FYN: variants seen among roughly 807,000 people sequenced by gnomAD.
The protein encoded by FYN is FYN proto-oncogene, Src family tyrosine kinase, also known as tyrosine-protein kinase Fyn.
Under a neutral mutation model 70.2 loss-of-function variants are expected in FYN, and 10 were observed. The ratio of observed to expected loss-of-function variants is 0.14; its 90% confidence interval spans 0.09 to 0.24. The LOEUF (loss-of-function observed/expected upper bound fraction) is 0.24, where lower values mean the gene tolerates loss of function less well. Ranked by LOEUF, FYN falls within the 10% of genes least tolerant of loss-of-function variation. The pLI, the probability that FYN is intolerant of heterozygous loss-of-function variation, is 1.00. For missense variants in FYN, 319 were observed against 673.1 expected, an observed-to-expected ratio of 0.47 and a Z score of 5.82; for synonymous variants, 236 against 248.6, an observed-to-expected ratio of 0.95 and a Z score of 0.48.
At chr6:111,841,040 A>G (rs1328185618) in intron 2 of FYN, among the ~76,000 whole-genome samples, 2 of 152,196 alleles carry the variant, frequency 1.3e-5, no homozygotes, top group Non-Finnish European at 2.9e-5. Flanking sequence ...CTCTCCTGGC[A>G]ACATCCAGCT....
At chr6:111,841,778 ATTT>A (rs80041109) in intron 2 of FYN, among the ~76,000 whole-genome samples, 1 of 140,814 alleles carries the variant, frequency 7.1e-6, no homozygotes, top group Non-Finnish European at 1.6e-5. Context: ...AGGAAGAGGG[ATTT>A]TTTTTTTTTT....
chr6:111,793,210 C>CT (rs1368097011), intron 2 of FYN, among the ~76,000 whole-genome samples: 1 of 152,178 alleles, frequency 6.6e-6, no homozygotes, highest in African/African-American at 2.4e-5. Context: ...TTTTAATTCA[C>CT]TTTAAGATGA....
At chr6:111,837,345 A>C (rs1164278779) in intron 2 of FYN, among the ~76,000 whole-genome samples, 5 of 152,110 alleles carry the variant, frequency 3.3e-5, no homozygotes. Flanking sequence ...TTTTTTTTTA[A>C]ATTACATTTC....
At chr6:111,808,621 T>C (rs185943817) in intron 2 of FYN, among the ~76,000 whole-genome samples, 55 of 152,298 alleles carry the variant, frequency 3.6e-4, no homozygotes, top group Non-Finnish European at 5.9e-5. Context: ...GAAGTCAATT[T>C]TCTGGGGCAC....
chr6:111,753,116 G>A (rs1177916996), intron 3 of FYN, among the ~76,000 whole-genome samples: 1 of 152,192 alleles, frequency 6.6e-6, no homozygotes, highest in Non-Finnish European at 1.5e-5. Flanking sequence ...CAGAAGAAGT[G>A]TCAAGGCATG....
chr6:111,737,711 C>T (rs1476998120), intron 3 of FYN, among the ~76,000 whole-genome samples: 3 of 152,150 alleles, frequency 2.0e-5, no homozygotes, highest in Admixed American at 6.5e-5. Flanking sequence ...CTTCAGTCCC[C>T]TTTTCTCTCC....
At chr6:111,665,189 G>T (rs1241791472) in intron 13 of FYN, among the ~76,000 whole-genome samples, 1 of 152,186 alleles carries the variant, frequency 6.6e-6, no homozygotes. Flanking sequence ...TGCTCAACCA[G>T]TAAGTTGAGC....
intron 2 of FYN, among the ~76,000 whole-genome samples, chr6:111,791,426 C>T (rs1366374073): frequency 6.6e-6 from 1 of 152,146 alleles, no homozygotes; most frequent in Non-Finnish European, 1.5e-5. Flanking sequence ...CCCCCAAGTA[C>T]CTCAGCATCT....
At chr6:111,666,551 A>G (rs968833101) in intron 13 of FYN, among the ~76,000 whole-genome samples, 2 of 152,176 alleles carry the variant, frequency 1.3e-5, no homozygotes, top group African/African-American at 4.8e-5. Context: ...ATAGGGTACA[A>G]CTGAACAGTA....
intron 2 of FYN, among the ~76,000 whole-genome samples, chr6:111,833,058 T>A (rs1197376549): frequency 6.6e-6 from 1 of 152,210 alleles, no homozygotes; most frequent in Non-Finnish European, 1.5e-5. Context: ...AATGGAAATG[T>A]TTAAAAACAA....
intron 2 of FYN, among the ~76,000 whole-genome samples, chr6:111,826,280 G>T: frequency 6.6e-6 from 1 of 152,082 alleles, no homozygotes. Context: ...CTGGTGTGGA[G>T]GTATGTTAGC....
intron 13 of FYN, among the ~76,000 whole-genome samples, chr6:111,663,205 C>T (rs1797839819): frequency 6.6e-6 from 1 of 152,232 alleles, no homozygotes; most frequent in African/African-American, 2.4e-5. Context: ...CAGTATCTGA[C>T]CCGGTTAATT....
intron 5 of FYN, among the ~76,000 whole-genome samples, chr6:111,708,432 C>T (rs1800209635): frequency 6.6e-6 from 1 of 152,094 alleles, no homozygotes; most frequent in Admixed American, 6.5e-5. Context: ...ATATGAGCTG[C>T]ACAGTACTGC....
At chr6:111,708,727 G>A (rs972981376) in intron 5 of FYN, among the ~76,000 whole-genome samples, 6 of 152,164 alleles carry the variant, frequency 3.9e-5, no homozygotes, top group African/African-American at 1.4e-4. Flanking sequence ...ATGGCTGCGT[G>A]TGCTCGCACA....
intron 13 of FYN, among the ~76,000 whole-genome samples, chr6:111,665,008 C>G (rs1424216803): frequency 3.3e-5 from 5 of 152,194 alleles, no homozygotes; most frequent in African/African-American, 1.2e-4. Context: ...CGGTGGCAAT[C>G]AAGATATGCC....
chr6:111,801,046 AAT>A (rs1285151135), intron 2 of FYN, among the ~76,000 whole-genome samples: 1 of 152,196 alleles, frequency 6.6e-6, no homozygotes, highest in Non-Finnish European at 1.5e-5. Flanking sequence ...TCTGCCAACA[AAT>A]TACAAGTCCA....
In FYN at chr6:111,673,622, G is replaced by GTTTTTTTTTTTTTTTTTT. The variant is rs71021858; in HGVS notation, c.1405+859_1405+876dup. The stretch of plus-strand genomic sequence containing the variant: ...AATCGTCACTATCGTTTCTATCATT[G>GTTTTTTTTTTTTTTTTTT]TTTTTTTTTTTTTTTTTTTCTTTAA... On this transcript the variant is annotated intron_variant, in intron 13 of 13. Coordinates refer to ENST00000354650, the MANE Select transcript of FYN (RefSeq NM_002037.5). Among the ~76,000 whole-genome samples the GTTTTTTTTTTTTTTTTTT allele has an allele frequency of 5.9e-4, 69 of 116,564 alleles. 3 individuals carry two copies. Among genetic ancestry groups the GTTTTTTTTTTTTTTTTTT allele is most frequent in the Non-Finnish European group, 7.0e-4 (41 of 58,464 alleles). The allele number at this position is 116,564 out of a possible 152,430, so 76.5% of individuals were successfully genotyped here.
At chr6:111,797,728 A>ACG (rs1562525372) in intron 2 of FYN, among the ~76,000 whole-genome samples, 12 of 131,380 alleles carry the variant, frequency 9.1e-5, no homozygotes, top group African/African-American at 2.8e-4. Context: ...ACACACACAC[A>ACG]TGACACACCC....
At chr6:111,861,098 G>A (rs989560309) in intron 1 of FYN, among the ~76,000 whole-genome samples, 6 of 152,184 alleles carry the variant, frequency 3.9e-5, no homozygotes, top group African/African-American at 9.7e-5. Flanking sequence ...CCTGCATGAA[G>A]AAAAGTTACT....
Sources: allele counts gnomAD v4.1 joint callset (sites outside exome capture counted in the v4.1 genomes callset), GRCh38; gene constraint gnomAD v4.1.1; transcripts MANE v1.5; gene names NCBI Gene and HGNC (gene_info 2026-07-23, HGNC 2026-07-21).